Variants in KIF21A observed in about 807,000 individuals in gnomAD.
KIF21A encodes the protein kinesin-like protein KIF21A.
In KIF21A, 114 loss-of-function variants were observed where a neutral mutation model predicts 202.9. That is an observed-to-expected ratio of 0.56 (90% CI 0.48 to 0.66). The LOEUF is 0.66. Among genes scored for constraint, KIF21A ranks in the 30% least tolerant of loss-of-function variants. The pLI is 0.00. For missense variants in KIF21A, 1,677 were observed against 1,994.9 expected (o/e 0.84, Z 3.04); for synonymous variants, 667 against 670.8 (o/e 0.99, Z 0.09).
intron 1 of KIF21A, among the ~76,000 whole-genome samples, chr12:39,441,609 C>T (rs940583847): frequency 1.6e-5 from 2 of 123,186 alleles, no homozygotes; most frequent in African/African-American, 6.3e-5. Context: ...CTTCAAAAGC[C>T]TTATAACAGG....
At chr12:39,441,091 A>T (rs1939507052) in intron 1 of KIF21A, among the ~76,000 whole-genome samples, 2 of 152,316 alleles carry the variant, frequency 1.3e-5, no homozygotes, top group South Asian at 4.2e-4. Flanking sequence ...CCTGAATTCA[A>T]CAAATTGAAT....
intron 1 of KIF21A, among the ~76,000 whole-genome samples, chr12:39,438,384 A>C (rs1005113271): frequency 5.9e-5 from 9 of 152,228 alleles, no homozygotes; most frequent in Non-Finnish European, 1.2e-4. Context: ...AATCATATTT[A>C]ACAGACTGCA....
At chr12:39,365,783 G>A (rs193261395) in intron 6 of KIF21A, among the ~76,000 whole-genome samples, 18 of 152,354 alleles carry the variant, frequency 1.2e-4, no homozygotes, top group African/African-American at 4.3e-4. Context: ...GTTGAGGTGA[G>A]TGAATCGCAT....
In KIF21A at chr12:39,340,382, AT is replaced by A. The variant is rs1347514785; in HGVS notation, c.2111-19del. The stretch of plus-strand genomic sequence containing the variant: ...TACCGAGCCTAAATGACCAGAGGAC[AT>A]TTTTATATGTTTTTTTGTGAGACAC... On this transcript the variant is annotated intron_variant, in intron 15 of 37. Transcript: ENST00000361418. 4 of 1,571,392 alleles carry A rather than the reference AT, an allele frequency of 2.5e-6. No individual in the cohort carries two copies. Among genetic ancestry groups the A allele is most frequent in the Non-Finnish European group, 3.5e-6 (4 of 1,149,050 alleles).
intron 6 of KIF21A, among the ~76,000 whole-genome samples, chr12:39,364,946 C>T (rs1295176288): frequency 2.0e-5 from 3 of 152,126 alleles, no homozygotes; most frequent in Non-Finnish European, 4.4e-5. Flanking sequence ...ACGAGATTCC[C>T]AGCCTCCCCA....
chr12:39,309,715 A>C lies in KIF21A; in HGVS notation c.4148T>G (p.Leu1383Arg), dbSNP rs764380324. The change falls in exon 33 of 38, where the codon CTG (leucine) becomes CGG (arginine). Residue 1383 changes from leucine to arginine, a missense_variant. Around this residue, in one of 3 missense-constraint regions of KIF21A, gnomAD observed 705 missense variants for 791.9 expected, o/e 0.89. Coordinates refer to ENST00000361418, the MANE Select transcript of KIF21A (RefSeq NM_001173464.2). The stretch of plus-strand genomic sequence containing the variant: ...CACGACATTGTTGGGATGACCCCCC[A>C]GTGACATTATTTCCTGCCCAGTCAC... ...NLVTGQEIMSLGGHPNNVVSV... is the reference protein window; with the variant it reads ...NLVTGQEIMSRGGHPNNVVSV... 1 of 1,613,512 alleles carries C rather than the reference A, an allele frequency of 6.2e-7. No individual in the cohort carries two copies. Among genetic ancestry groups the C allele is most frequent in the East Asian group, 2.2e-5 (1 of 44,842 alleles).
chr12:39,428,180 C>G (rs1273894145), intron 1 of KIF21A, among the ~76,000 whole-genome samples: 3 of 152,202 alleles, frequency 2.0e-5, no homozygotes, highest in Non-Finnish European at 4.4e-5. Flanking sequence ...TCTTAGTCAT[C>G]CTCAATAGTC....
chr12:39,360,022 G>C (rs1049364914), intron 7 of KIF21A, among the ~76,000 whole-genome samples: 1 of 152,030 alleles, frequency 6.6e-6, no homozygotes, highest in Non-Finnish European at 1.5e-5. Context: ...GGAAGGACTC[G>C]CCTTTAACAA....
chr12:39,377,370 G>A (rs1022702975), intron 1 of KIF21A, among the ~76,000 whole-genome samples: 9 of 151,940 alleles, frequency 5.9e-5, no homozygotes, highest in African/African-American at 1.9e-4. Flanking sequence ...CCAAAATTAG[G>A]ACAGCTATCA....
chr12:39,376,955 G>A (rs1191774218), intron 1 of KIF21A, among the ~76,000 whole-genome samples: 1 of 152,132 alleles, frequency 6.6e-6, no homozygotes, highest in Admixed American at 6.5e-5. Context: ...TTGTTGTCCT[G>A]TTAGAAAGTA....
intron 1 of KIF21A, among the ~76,000 whole-genome samples, chr12:39,409,892 C>T (rs1205426261): frequency 1.3e-5 from 2 of 150,918 alleles, no homozygotes; most frequent in Non-Finnish European, 1.5e-5. Context: ...AGTGCAATGG[C>T]GCGATCTTGG....
At chr12:39,342,012 A>G (rs1327351633) in intron 13 of KIF21A, 22 bp downstream of exon 13, 40 of 1,525,858 alleles carry the variant, frequency 2.6e-5, no homozygotes, top group Non-Finnish European at 3.5e-5. Flanking sequence ...TAAAACTGAC[A>G]AGTTCATTCT....
At chr12:39,347,020 T>A (rs1947954197) in intron 11 of KIF21A, among the ~76,000 whole-genome samples, 1 of 151,928 alleles carries the variant, frequency 6.6e-6, no homozygotes, top group African/African-American at 2.4e-5. Context: ...ACTTTCTGTT[T>A]TAATATACTA....
At chr12:39,331,839 CA>C in intron 21 of KIF21A, 48 bp from the exon 22 acceptor site, 4 of 1,301,440 alleles carry the variant, frequency 3.1e-6, no homozygotes, top group Non-Finnish European at 4.5e-6. Flanking sequence ...GAGCTGAAAA[CA>C]GAAGGCAACA....
chr12:39,418,081 G>C (rs1953929769), intron 1 of KIF21A, among the ~76,000 whole-genome samples: 1 of 151,862 alleles, frequency 6.6e-6, no homozygotes, highest in South Asian at 2.1e-4. Flanking sequence ...GGTGGTGTAT[G>C]CCTCTAGTCT....
chr12:39,383,831 A>G (rs11171923), intron 1 of KIF21A, among the ~76,000 whole-genome samples: 51,135 of 152,056 alleles, frequency 0.34, 10,793 homozygotes, highest in African/African-American at 0.6. Context: ...AATTAAAAAT[A>G]TATATTATTA....
Position 39,336,837 on chromosome 12 carries a change from G to T in KIF21A, c.2418+259C>A, listed in dbSNP as rs975130733. 3.9e-5 allele frequency among the ~76,000 whole-genome samples: 6 copies of T among 152,200 alleles called. No homozygotes were observed. The South Asian group carries it at 1.2e-3, about 31-fold the overall frequency. Reference sequence around the variant, plus strand: ...ATCCTAGAGATAACCAGTCATTCTTGCCATTTACTTCTATGTCATCATCTG... The same window carrying T: ...ATCCTAGAGATAACCAGTCATTCTTTCCATTTACTTCTATGTCATCATCTG... On this transcript the variant is annotated intron_variant, in intron 17 of 37. Coordinates refer to ENST00000361418, the MANE Select transcript of KIF21A (RefSeq NM_001173464.2).
rs191460813 is a variant in KIF21A, at chr12:39,326,317, T to C, written c.3348A>G (p.Val1116=). ...GAGCATCCTCATCAGTACTATCCTC[T>C]ACATTTTCTACAAAAAAATGTTTAA... ...QDLDSVPLEN[V]EDSTDEDAPL... Residue 1116 remains valine, a synonymous_variant, in exon 25 of 38, where the codon GTA becomes GTG. Transcript: ENST00000361418. The C allele has an allele frequency of 1.1e-5, 18 of 1,610,162 alleles. No individual in the cohort carries two copies. The Admixed American group carries it at 2.8e-4, about 25-fold the overall frequency.
chr12:39,400,935 G>A (rs180817532), intron 1 of KIF21A, among the ~76,000 whole-genome samples: 1 of 152,174 alleles, frequency 6.6e-6, no homozygotes, highest in East Asian at 1.9e-4. Context: ...GTTTCACAAA[G>A]GTTCCTAGAG....
Sources: gnomAD v4.1 joint callset for allele counts (sites outside exome capture counted in the v4.1 genomes callset) on GRCh38, gnomAD v4.1.1 for gene constraint, gnomAD v4.1.1 regional missense constraint, MANE v1.5 for transcripts, NCBI Gene and HGNC (gene_info 2026-07-23, HGNC 2026-07-21) for gene names.